WDR86: variants seen among roughly 807,000 people sequenced by gnomAD.
WDR86 encodes the protein WD repeat-containing protein 86.
In WDR86, 30 loss-of-function variants were observed where a neutral mutation model predicts 36.5. The observed-to-expected ratio is 0.82, with a 90% CI of 0.61 to 1.11. WDR86 has a LOEUF of 1.11. Ranked by LOEUF, WDR86 falls within the 50% of genes most tolerant of loss-of-function variation. The pLI, the probability that WDR86 is intolerant of heterozygous loss-of-function variation, is 0.00. For synonymous variants in WDR86, 255 were observed against 252.9 expected, an observed-to-expected ratio of 1.01 and a Z score of -0.08; for missense variants, 545 against 561.2, an observed-to-expected ratio of 0.97 and a Z score of 0.29.
At position 151,407,116 on chromosome 7, in the gene WDR86, T is replaced by C. The variant is rs372623892; in HGVS notation, c.163+2311A>G. ...GAAAATTCCTGAAAATACCAACCCATATAACAGCAAAAACAATCCTAGCAA... is the reference window on the plus strand; with the variant it reads ...GAAAATTCCTGAAAATACCAACCCACATAACAGCAAAAACAATCCTAGCAA... On this transcript the variant is annotated intron_variant, in intron 1 of 5. Coordinates refer to ENST00000334493, the MANE Select transcript of WDR86 (RefSeq NM_198285.3). Among the ~76,000 whole-genome samples the C allele has an allele frequency of 1.4e-3, 217 of 152,294 alleles. 11 individuals are homozygous for C. The South Asian group carries it at 0.044, about 31-fold the overall frequency.
exon 2 of WDR86, chr7:151,375,936 T>C (rs778438679): frequency 3.7e-5 from 60 of 1,609,016 alleles, no homozygotes; most frequent in African/African-American, 8.0e-5. Flanking sequence ...CAGGAAAACA[T>C]TGACCGAGTG....
chr7:151,385,378 C>G, intron 3 of WDR86, 155 bp from the exon 4 acceptor site: 1 of 1,330,104 alleles, frequency 7.5e-7, no homozygotes, highest in Non-Finnish European at 1.0e-6. Flanking sequence ...CCAGACTGCC[C>G]ACTTCAGCAC....
At chr7:151,399,460 T>C (rs755220124) in intron 2 of WDR86, among the ~76,000 whole-genome samples, 2 of 152,152 alleles carry the variant, frequency 1.3e-5, no homozygotes, top group Non-Finnish European at 2.9e-5. Flanking sequence ...CCTCCTCCAG[T>C]GCAGCTGCCA....
At chr7:151,392,334 C>T (rs564329678) in intron 3 of WDR86, among the ~76,000 whole-genome samples, 14 of 152,230 alleles carry the variant, frequency 9.2e-5, no homozygotes, top group African/African-American at 2.9e-4. Context: ...CACTTGGACC[C>T]CCATCCACCC....
In WDR86 at chr7:151,409,180, T is replaced by A; in HGVS notation, c.163+247A>T. 1.3e-5 allele frequency: 8 copies of A among 613,104 alleles called. No individual in the cohort carries two copies. The highest frequency in any genetic ancestry group is 3.2e-5 in the East Asian group (1 of 30,860). The allele number at this position is 613,104 out of a possible 1,614,324, so 38.0% of individuals were successfully genotyped here. A position where few individuals can be genotyped will look rare whatever the true frequency, so the allele number is the denominator to read the frequency against. ...TCTTCGCCTTTGTAGCGGACGCCCC[T>A]CGACCCACCCACCCGATCCCGGCCG... On this transcript the variant is annotated intron_variant, in intron 1 of 5. Transcript: ENST00000334493. This position sits in a 1 kb window ranked among gnomAD's most constrained non-coding sequence, Gnocchi z 5.2.
chr7:151,407,640 A>C (rs1228830171), intron 1 of WDR86, among the ~76,000 whole-genome samples: 1 of 152,132 alleles, frequency 6.6e-6, no homozygotes, highest in Non-Finnish European at 1.5e-5. Context: ...GGAGTTCAAG[A>C]CCAGCCTGGC....
In WDR86 at chr7:151,405,241, C is replaced by T. The variant is rs1300929452; in HGVS notation, c.163+4186G>A. Among the ~76,000 whole-genome samples, 3 of 142,910 alleles carry T rather than the reference C, an allele frequency of 2.1e-5. No individual in the cohort carries two copies. Among genetic ancestry groups the T allele is most frequent in the East Asian group, 3.9e-4 (2 of 5,160 alleles). The allele number at this position is 142,910 out of a possible 152,430, so 93.8% of individuals were successfully genotyped here. On this transcript the variant is annotated intron_variant, in intron 1 of 5. Coordinates refer to ENST00000334493, the MANE Select transcript of WDR86 (RefSeq NM_198285.3). This position sits in a 1 kb window ranked among gnomAD's most constrained non-coding sequence, Gnocchi z 4.7. Reference sequence around the variant, plus strand: ...ACCGTGGGTTCCGACAAGTGGGAGCCGCAGCTGGAGACTCTAGGTCAGGAT... The same window carrying T: ...ACCGTGGGTTCCGACAAGTGGGAGCTGCAGCTGGAGACTCTAGGTCAGGAT...
intron 2 of WDR86, among the ~76,000 whole-genome samples, chr7:151,398,363 T>A (rs1800027398): frequency 6.6e-6 from 1 of 152,122 alleles, no homozygotes; most frequent in Admixed American, 6.5e-5. Context: ...ATGTTGTGTA[T>A]GTGTGCACAT....
At chr7:151,377,785 A>G (rs1161009526), downstream of WDR86, 1 of 152,242 alleles carries the variant, frequency 6.6e-6, no homozygotes, top group Non-Finnish European at 1.5e-5. Context: ...TGGGGGCCAC[A>G]CCAGGTCGCA....
intron 1 of WDR86, among the ~76,000 whole-genome samples, chr7:151,404,896 G>A (rs1191581617): frequency 1.3e-5 from 2 of 152,182 alleles, no homozygotes; most frequent in Non-Finnish European, 2.9e-5. Context: ...GCGGTGGGCT[G>A]CAGTGGGCCT....
chr7:151,402,577 T>C, intron 1 of WDR86, among the ~76,000 whole-genome samples: 1 of 152,012 alleles, frequency 6.6e-6, no homozygotes, highest in East Asian at 1.9e-4. Flanking sequence ...TCGGTGCCCG[T>C]AGGGAGAACA....
At chr7:151,402,168 C>A (rs1800394774) in intron 1 of WDR86, among the ~76,000 whole-genome samples, 1 of 146,554 alleles carries the variant, frequency 6.8e-6, no homozygotes, top group Non-Finnish European at 1.5e-5. Flanking sequence ...AAGGTGAAGG[C>A]AGAGATGGAT....
chr7:151,371,655 G>T (rs866941661), downstream of WDR86, among the ~76,000 whole-genome samples: 1 of 152,198 alleles, frequency 6.6e-6, no homozygotes, highest in Non-Finnish European at 1.5e-5. Context: ...AGCTCCTATC[G>T]GAGCTTTAGA....
At position 151,405,288 on chromosome 7, in the gene WDR86, G is replaced by C. The variant is rs920831570; in HGVS notation, c.163+4139C>G. Among the ~76,000 whole-genome samples the C allele has an allele frequency of 6.6e-6, 1 of 152,060 alleles. No homozygotes were observed. The highest frequency in any genetic ancestry group is 1.5e-5 in the Non-Finnish European group (1 of 67,996). ...GGATATGTTCCCCTCCCCCAGCTCC[G>C]ACCCTGCAGGGCTCCCTCAGGCTGG... On this transcript the variant is annotated intron_variant, in intron 1 of 5. Transcript: ENST00000334493. The surrounding 1 kb of genome is among the most constrained non-coding windows in gnomAD (Gnocchi z 4.7).
intron 3 of WDR86, among the ~76,000 whole-genome samples, chr7:151,395,502 C>CGG (rs1259525708): frequency 0.073 from 3,648 of 49,826 alleles, 143 homozygotes; most frequent in African/African-American, 0.14. Context: ...AGGACACACA[C>CGG]ACACACACAC....
downstream of WDR86, chr7:151,381,113 C>T: frequency 1.6e-6 from 2 of 1,215,694 alleles, no homozygotes; most frequent in Middle Eastern, 3.2e-4. This position sits in a 1 kb window ranked among gnomAD's most constrained non-coding sequence, Gnocchi z 4.8. Context: ...AAAAAGAGGA[C>T]ACAGGAGCAC....
In WDR86 at chr7:151,381,755, G is replaced by A. The variant is rs1432967341; in HGVS notation, c.967-9C>T. The A allele has an allele frequency of 1.3e-6, 2 of 1,491,806 alleles. No homozygotes were observed. Among genetic ancestry groups the A allele is most frequent in the Non-Finnish European group, 1.8e-6 (2 of 1,123,670 alleles). The allele number at this position is 1,491,806 out of a possible 1,614,324, so 92.4% of individuals were successfully genotyped here. A position where few individuals can be genotyped will look rare whatever the true frequency, so the allele number is the denominator to read the frequency against. On this transcript the variant is annotated splice_polypyrimidine_tract_variant and intron_variant, in intron 5 of 5. Coordinates refer to ENST00000334493, the MANE Select transcript of WDR86 (RefSeq NM_198285.3). The surrounding 1 kb of genome is among the most constrained non-coding windows in gnomAD (Gnocchi z 4.8). ...AGCACCTGGCCGTGCACCTGCGGGC[G>A]CAGGGGCGGGCGTCACCGGTGACGC...
chr7:151,400,475 G>A (rs1054439731), intron 1 of WDR86, among the ~76,000 whole-genome samples: 3 of 152,116 alleles, frequency 2.0e-5, no homozygotes, highest in East Asian at 1.9e-4. Flanking sequence ...TCTGCCTCCC[G>A]GGTTCAAGTG....
At chr7:151,372,728 G>A (rs1436045273), downstream of WDR86, among the ~76,000 whole-genome samples, 2 of 152,146 alleles carry the variant, frequency 1.3e-5, no homozygotes, top group Non-Finnish European at 2.9e-5. Flanking sequence ...AGGTGGTCAG[G>A]AGCTGCTGCG....
Sources: gnomAD v4.1 joint callset for allele counts (sites outside exome capture counted in the v4.1 genomes callset) on GRCh38, gnomAD v4.1.1 for gene constraint, Gnocchi (gnomAD v3.1) non-coding constraint, MANE v1.5 for transcripts, NCBI Gene and HGNC (gene_info 2026-07-23, HGNC 2026-07-21) for gene names.